KCNAB1: variants seen among roughly 807,000 people sequenced by gnomAD.
The protein encoded by KCNAB1 is voltage-gated potassium channel subunit beta-1.
KCNAB1 carries 35 observed loss-of-function variants against 64.6 expected under a neutral mutation model. The observed-to-expected ratio is 0.54, with a 90% CI of 0.41 to 0.72. The LOEUF (loss-of-function observed/expected upper bound fraction) is 0.72, where lower values mean the gene tolerates loss of function less well. KCNAB1 is among the 30% of genes least tolerant of loss of function. KCNAB1 has a pLI of 0.00. For missense variants in KCNAB1, 401 were observed against 512.9 expected, an observed-to-expected ratio of 0.78 and a Z score of 2.11; for synonymous variants, 177 against 183.8, an observed-to-expected ratio of 0.96 and a Z score of 0.30.
At chr3:156,218,201 G>A (rs1181196676) in intron 1 of KCNAB1, among the ~76,000 whole-genome samples, 1 of 152,168 alleles carries the variant, frequency 6.6e-6, no homozygotes, top group Non-Finnish European at 1.5e-5. Context: ...TGAGAGCGGG[G>A]TGAGGCCAGT....
At chr3:156,526,532 A>G (rs1718318452) in intron 12 of KCNAB1, among the ~76,000 whole-genome samples, 1 of 152,244 alleles carries the variant, frequency 6.6e-6, no homozygotes, top group South Asian at 2.1e-4. Context: ...TAGAGCAAGC[A>G]CATTCCAATT....
At chr3:156,234,993 G>A (rs1339281205) in intron 1 of KCNAB1, among the ~76,000 whole-genome samples, 1 of 152,152 alleles carries the variant, frequency 6.6e-6, no homozygotes, top group Non-Finnish European at 1.5e-5. Flanking sequence ...CACCACAAAA[G>A]CCATGAGTAA....
chr3:156,208,956 G>A (rs565987353), intron 1 of KCNAB1, among the ~76,000 whole-genome samples: 3 of 152,296 alleles, frequency 2.0e-5, no homozygotes, highest in African/African-American at 4.8e-5. Flanking sequence ...AATGCATAAC[G>A]TAAGAAATGC....
intron 8 of KCNAB1, among the ~76,000 whole-genome samples, chr3:156,479,225 T>G (rs2108327848): frequency 6.6e-6 from 1 of 152,208 alleles, no homozygotes; most frequent in South Asian, 2.1e-4. Context: ...CCCAGTAGAG[T>G]CACTGACAGT....
chr3:156,521,848 C>CT (rs1051409331), intron 11 of KCNAB1, among the ~76,000 whole-genome samples: 70 of 152,090 alleles, frequency 4.6e-4, no homozygotes, highest in African/African-American at 1.6e-3. Flanking sequence ...TATGCATCTA[C>CT]TTTTTAAAAA....
chr3:156,157,734 C>T (rs1220194522), intron 1 of KCNAB1, among the ~76,000 whole-genome samples: 1 of 152,038 alleles, frequency 6.6e-6, no homozygotes, highest in Non-Finnish European at 1.5e-5. Flanking sequence ...AGATATTATG[C>T]TTAACAACCA....
chr3:156,476,174 T>C (rs1295685509), intron 8 of KCNAB1, among the ~76,000 whole-genome samples: 1 of 152,128 alleles, frequency 6.6e-6, no homozygotes, highest in Non-Finnish European at 1.5e-5. Context: ...CATAAGTTAT[T>C]GGGGTACAGG....
At chr3:156,131,263 A>G (rs923045026) in intron 1 of KCNAB1, among the ~76,000 whole-genome samples, 2 of 152,236 alleles carry the variant, frequency 1.3e-5, no homozygotes, top group African/African-American at 2.4e-5. Context: ...CAGTTGAAAC[A>G]ACAGCTTTCC....
At chr3:156,525,198 G>A (rs906661184) in intron 12 of KCNAB1, among the ~76,000 whole-genome samples, 6 of 152,044 alleles carry the variant, frequency 3.9e-5, no homozygotes, top group South Asian at 4.1e-4. Context: ...AGGCCCTTCA[G>A]GAGGTATTCC....
At chr3:156,122,217 C>T (rs564784835) in intron 1 of KCNAB1, among the ~76,000 whole-genome samples, 2 of 152,260 alleles carry the variant, frequency 1.3e-5, no homozygotes, top group East Asian at 3.9e-4. Flanking sequence ...TTTGAATGAG[C>T]TTGTTAGTGT....
At chr3:156,325,409 T>G (rs1466216063) in intron 1 of KCNAB1, among the ~76,000 whole-genome samples, 2 of 152,128 alleles carry the variant, frequency 1.3e-5, no homozygotes, top group Non-Finnish European at 2.9e-5. Context: ...CTCTTACTTT[T>G]AAATCTCTTC....
chr3:156,284,731 CA>C (rs1002985318), intron 1 of KCNAB1, among the ~76,000 whole-genome samples: 8 of 152,228 alleles, frequency 5.3e-5, no homozygotes, highest in African/African-American at 1.9e-4. Context: ...CCCGATTTTC[CA>C]GGTGCGTCCG....
At chr3:156,167,485 CT>C (rs1419340687) in intron 1 of KCNAB1, among the ~76,000 whole-genome samples, 1 of 152,148 alleles carries the variant, frequency 6.6e-6, no homozygotes, top group African/African-American at 2.4e-5. Context: ...CATTGGGTTT[CT>C]TTTTTAACCA....
Position 156,399,159 on chromosome 3 carries a change from C to T in KCNAB1, c.276-22457C>T, listed in dbSNP as rs566117209. On this transcript the variant is annotated intron_variant, in intron 1 of 13. Coordinates refer to ENST00000490337, the MANE Select transcript of KCNAB1 (RefSeq NM_172160.3). ...AGATACACCAGCAGCCTTCATTTTC[C>T]CCTCATCCTAATAAATACAAGAATC... Among the ~76,000 whole-genome samples, 7 of 152,280 alleles carry T rather than the reference C, an allele frequency of 4.6e-5. No individual in the cohort carries two copies. In the South Asian group the frequency reaches 1.5e-3, roughly 32 times the overall value.
chr3:156,454,917 G>C (rs2108282529), intron 3 of KCNAB1, among the ~76,000 whole-genome samples: 1 of 152,264 alleles, frequency 6.6e-6, no homozygotes, highest in African/African-American at 2.4e-5. Context: ...GTAGTGTGAA[G>C]GGCTGACCTC....
At chr3:156,214,129 A>T (rs901165668) in intron 1 of KCNAB1, among the ~76,000 whole-genome samples, 2 of 152,128 alleles carry the variant, frequency 1.3e-5, no homozygotes, top group Admixed American at 1.3e-4. Flanking sequence ...TGCCCTATGT[A>T]CCTCTTTCTC....
At chr3:156,469,580 A>G (rs577264146) in intron 7 of KCNAB1, among the ~76,000 whole-genome samples, 2 of 152,300 alleles carry the variant, frequency 1.3e-5, no homozygotes, top group South Asian at 4.1e-4. Context: ...TAAATAAGTC[A>G]GGAATTCTCT....
intron 7 of KCNAB1, among the ~76,000 whole-genome samples, chr3:156,469,559 C>A (rs555729656): frequency 1.3e-5 from 2 of 152,064 alleles, no homozygotes; most frequent in Admixed American, 1.3e-4. Context: ...ATCTTAAATT[C>A]CCTCCACCTT....
At chr3:156,211,467 G>A (rs755211491) in intron 1 of KCNAB1, among the ~76,000 whole-genome samples, 1 of 152,178 alleles carries the variant, frequency 6.6e-6, no homozygotes, top group Non-Finnish European at 1.5e-5. Context: ...ATCAAAACAG[G>A]TAGATGCCTT....
Sources: gnomAD v4.1 joint callset for allele counts (sites outside exome capture counted in the v4.1 genomes callset) on GRCh38, gnomAD v4.1.1 for gene constraint, MANE v1.5 for transcripts, NCBI Gene and HGNC (gene_info 2026-07-23, HGNC 2026-07-21) for gene names.